Variants in TKTL1 observed in about 807,000 individuals in gnomAD.
TKTL1 encodes the protein transketolase-like protein 1.
TKTL1 carries 1 observed loss-of-function variant against 39.3 expected under a neutral mutation model. That is an observed-to-expected ratio of 0.03 (90% CI 0.01 to 0.12). TKTL1 has a LOEUF of 0.12. Ranked by LOEUF, TKTL1 falls within the 10% of genes least tolerant of loss-of-function variation. TKTL1 has a pLI of 1.00. For synonymous variants in TKTL1, 262 were observed against 193.8 expected (o/e 1.35, Z -2.92); for missense variants, 575 against 509.6 (o/e 1.13, Z -1.24).
At chrX:154,314,784 C>T (rs1190144274) in intron 6 of TKTL1, among the ~76,000 whole-genome samples, 1 of 111,137 alleles carries the variant, frequency 9.0e-6, no homozygotes, top group Non-Finnish European at 1.9e-5. Flanking sequence ...CTCAGCCTCC[C>T]AAAATGCTGG....
chrX:154,305,032 A>G, intron 1 of TKTL1: 1 of 1,090,055 alleles, frequency 9.2e-7, no homozygotes, highest in Non-Finnish European at 1.2e-6. Flanking sequence ...CATGTGAAAG[A>G]ATACTCATGT....
chrX:154,296,120 C>T (rs912129077), intron 1 of TKTL1, 127 bp downstream of exon 1: 8 of 944,551 alleles, frequency 8.5e-6, no homozygotes, highest in African/African-American at 3.9e-5. Flanking sequence ...GTCGTAATGC[C>T]CTGTCTTGGG....
chrX:154,307,185 T>C (rs1464440377), intron 2 of TKTL1, among the ~76,000 whole-genome samples: 1 of 109,578 alleles, frequency 9.1e-6, no homozygotes, highest in African/African-American at 3.3e-5. Flanking sequence ...GAGGATCACT[T>C]GAGCCTTGGG....
At position 154,296,060 on chromosome X, in the gene TKTL1, C is replaced by T. The variant is rs1177266416; in HGVS notation, c.134+67C>T. On this transcript the variant is annotated intron_variant, in intron 1 of 12. Transcript: ENST00000369915. ...GGCCCGGTGGCTTCAGGCCTGGTGG[C>T]CATGAGGCCGTGTGGTGAAGGGAGA... 4 of 1,154,238 alleles carry T rather than the reference C, an allele frequency of 3.5e-6. No homozygotes were observed. The African/African-American group carries it at 5.3e-5, about 15-fold the overall frequency.
intron 1 of TKTL1, among the ~76,000 whole-genome samples, chrX:154,298,698 A>AG (rs2067249451): frequency 1.3e-5 from 1 of 76,803 alleles, no homozygotes; most frequent in African/African-American, 1.1e-4. Flanking sequence ...TGTCTCAAAA[A>AG]GAAAAAAAAA....
In TKTL1 at chrX:154,323,212, G is replaced by A; in HGVS notation, c.1192G>A (p.Asp398Asn). ...GSHCGVSVGD[D>N]GASQMALEDI... is the part of the protein sequence containing the mutation. The stretch of plus-strand genomic sequence containing the variant: ...TCGGGCTCTGGTTCTCTCAGGTGAC[G>A]ATGGTGCTTCCCAGATGGCCCTGGA... Residue 398 changes from aspartate to asparagine, a missense_variant, in exon 9 of 13, where the codon GAT becomes AAT. By Grantham distance (23) the Asp-to-Asn change is conservative. Coordinates refer to ENST00000369915, the MANE Select transcript of TKTL1 (RefSeq NM_012253.4). The A allele has an allele frequency of 8.3e-7, 1 of 1,210,501 alleles. No individual in the cohort carries two copies. The highest frequency in any genetic ancestry group is 1.1e-6 in the Non-Finnish European group (1 of 895,070).
intron 1 of TKTL1, among the ~76,000 whole-genome samples, chrX:154,297,940 CTG>C (rs1391852602): frequency 2.7e-5 from 3 of 111,543 alleles, no homozygotes; most frequent in African/African-American, 9.8e-5. Flanking sequence ...TTGAAGAAGA[CTG>C]TTGTTAATTT....
intron 2 of TKTL1, among the ~76,000 whole-genome samples, chrX:154,306,204 G>A (rs972941477): frequency 3.6e-5 from 4 of 111,486 alleles, no homozygotes; most frequent in Non-Finnish European, 7.5e-5. Context: ...AGCTTTTCGG[G>A]AGGCTGAGGC....
At chrX:154,317,627 C>G (rs1449257352) in intron 7 of TKTL1, among the ~76,000 whole-genome samples, 1 of 112,755 alleles carries the variant, frequency 8.9e-6, no homozygotes, top group African/African-American at 3.2e-5. Context: ...TTCCAAAACT[C>G]TGAAGACTGG....
At chrX:154,296,767 C>T (rs1010080738) in intron 1 of TKTL1, among the ~76,000 whole-genome samples, 4 of 111,479 alleles carry the variant, frequency 3.6e-5, no homozygotes, top group Non-Finnish European at 7.5e-5. Context: ...TAATCCCAAG[C>T]ACTTTGGGAG....
intron 12 of TKTL1, among the ~76,000 whole-genome samples, chrX:154,328,545 C>CGAAAAAAAAA (rs2067511351): frequency 6.5e-5 from 1 of 15,312 alleles, no homozygotes; most frequent in Non-Finnish European, 1.6e-4. Context: ...GACTCTGCCT[C>CGAAAAAAAAA]AAAAAAAAAA....
intron 1 of TKTL1, chrX:154,304,956 G>C: frequency 1.1e-6 from 1 of 940,086 alleles, no homozygotes; most frequent in Non-Finnish European, 1.4e-6. Flanking sequence ...GATCTTCATG[G>C]CATTTCTGAT....
At chrX:154,307,914 G>C (rs782757979) in intron 2 of TKTL1, among the ~76,000 whole-genome samples, 2 of 111,803 alleles carry the variant, frequency 1.8e-5, no homozygotes, top group South Asian at 3.7e-4. Flanking sequence ...GGAGTCTCTG[G>C]GGGGCACAAA....
At chrX:154,308,822 C>T (rs990141439) in intron 2 of TKTL1, among the ~76,000 whole-genome samples, 1 of 110,226 alleles carries the variant, frequency 9.1e-6, no homozygotes, top group East Asian at 2.9e-4. Flanking sequence ...TAGATGAGCA[C>T]GTGTAAGATC....
chrX:154,308,553 T>C (rs1330643707), intron 2 of TKTL1, among the ~76,000 whole-genome samples: 1 of 111,903 alleles, frequency 8.9e-6, no homozygotes, highest in African/African-American at 3.2e-5. Flanking sequence ...TGGGGGAGGC[T>C]GGGAGGCCAC....
intron 9 of TKTL1, among the ~76,000 whole-genome samples, chrX:154,323,750 C>T (rs1205242294): frequency 8.9e-6 from 1 of 112,597 alleles, no homozygotes; most frequent in Admixed American, 9.4e-5. Context: ...ATCCAGGAAG[C>T]TGGAGAGCGG....
At chrX:154,328,049 G>C in intron 12 of TKTL1, 91 bp downstream of exon 12, 1 of 1,075,543 alleles carries the variant, frequency 9.3e-7, no homozygotes, top group South Asian at 2.0e-5. Context: ...ATCACCTATA[G>C]TCTACCTCTC....
intron 9 of TKTL1, 134 bp from the exon 10 acceptor site, chrX:154,325,205 C>T (rs2067484298): frequency 1.7e-6 from 1 of 603,725 alleles, no homozygotes; most frequent in Admixed American, 2.8e-5. Flanking sequence ...TGTAGATGCT[C>T]ACCCCTTTCT....
intron 2 of TKTL1, among the ~76,000 whole-genome samples, chrX:154,306,576 G>A (rs2067316375): frequency 1.8e-5 from 2 of 111,852 alleles, no homozygotes; most frequent in Admixed American, 9.5e-5. Flanking sequence ...GCAGTATACA[G>A]GAAGGAAATC....
Sources: gnomAD v4.1 joint callset for allele counts (sites outside exome capture counted in the v4.1 genomes callset) on GRCh38, gnomAD v4.1.1 for gene constraint, MANE v1.5 for transcripts, NCBI Gene and HGNC (gene_info 2026-07-23, HGNC 2026-07-21) for gene names.